Variants in GAD2 observed in about 807,000 individuals in gnomAD.
GAD2 encodes the protein glutamate decarboxylase 2, also known as 65 kDa glutamic acid decarboxylase.
A neutral mutation model predicts 80.1 loss-of-function variants in GAD2; 22 were observed. The ratio of observed to expected loss-of-function variants is 0.27; its 90% CI spans 0.20 to 0.39. GAD2 has a LOEUF of 0.39. GAD2 is among the 10% of genes least tolerant of loss of function. The pLI, the probability that GAD2 is intolerant of heterozygous loss-of-function variation, is 1.00. For synonymous variants in GAD2, 274 were observed against 256.9 expected (o/e 1.07, Z -0.64); for missense variants, 624 against 738.4 (o/e 0.85, Z 1.80).
chr10:26,287,479 CA>C (rs1330955072), intron 13 of GAD2, among the ~76,000 whole-genome samples: 1 of 152,094 alleles, frequency 6.6e-6, no homozygotes, highest in Non-Finnish European at 1.5e-5. Context: ...TAAAGGAAGG[CA>C]AAAGTTTTTA....
At chr10:26,278,411 C>T (rs116003448) in intron 11 of GAD2, among the ~76,000 whole-genome samples, 1,948 of 152,358 alleles carry the variant, frequency 0.013, 46 homozygotes, top group African/African-American at 0.043. Context: ...GTTCTAAGCA[C>T]TTCACCTAAA....
At chr10:26,239,138 C>A (rs766785210) in intron 7 of GAD2, among the ~76,000 whole-genome samples, 1 of 152,174 alleles carries the variant, frequency 6.6e-6, no homozygotes, top group Admixed American at 6.5e-5. Flanking sequence ...GGTGTTGGAA[C>A]AAAAGAATCA....
At chr10:26,216,503 G>A (rs1844371046), upstream of GAD2, 1 of 242,634 alleles carries the variant, frequency 4.1e-6, no homozygotes, top group Non-Finnish European at 7.7e-6. This position sits in a 1 kb window ranked among gnomAD's most constrained non-coding sequence, Gnocchi z 4.7. Context: ...AAATGCTCTG[G>A]GGCTCTCCGC....
intron 4 of GAD2, among the ~76,000 whole-genome samples, chr10:26,220,836 A>C (rs1844444560): frequency 6.6e-6 from 1 of 152,246 alleles, no homozygotes; most frequent in South Asian, 2.1e-4. Context: ...GATAATGGGA[A>C]CTGCAAGTCA....
chr10:26,288,479 G>A (rs895584419), intron 13 of GAD2, among the ~76,000 whole-genome samples: 3 of 152,134 alleles, frequency 2.0e-5, no homozygotes, highest in African/African-American at 7.2e-5. Context: ...ACCACCTAGT[G>A]GGAGACTCAT....
In GAD2 at chr10:26,277,101, A is replaced by G. The variant is rs898542113; in HGVS notation, c.1157+3401A>G. ...AATGTTTCCTTCTGTGATTACAGGG[A>G]GCTTTCACCAAGCAGGGCAACATTG... is the stretch of plus-strand genomic sequence containing the variant. On this transcript the variant is annotated intron_variant, in intron 11 of 15. Transcript: ENST00000376261. 6.6e-5 allele frequency among the ~76,000 whole-genome samples: 10 copies of G among 152,332 alleles called. 1 individual carries two copies. Among genetic ancestry groups the G allele is most frequent in the Admixed American group, 6.5e-4 (10 of 15,292 alleles).
intron 7 of GAD2, among the ~76,000 whole-genome samples, chr10:26,245,524 G>A (rs185083941): frequency 0.018 from 2,716 of 150,976 alleles, 92 homozygotes; most frequent in African/African-American, 0.062. Flanking sequence ...TGCAACCTCC[G>A]CCTCCCGAAT....
At chr10:26,263,531 G>A (rs977220953) in intron 8 of GAD2, among the ~76,000 whole-genome samples, 1 of 152,132 alleles carries the variant, frequency 6.6e-6, no homozygotes, top group Non-Finnish European at 1.5e-5. Flanking sequence ...AATTTTTACT[G>A]CTCCTGTGCA....
At chr10:26,239,272 C>G (rs910761103) in intron 7 of GAD2, among the ~76,000 whole-genome samples, 2 of 152,162 alleles carry the variant, frequency 1.3e-5, no homozygotes, top group Non-Finnish European at 2.9e-5. Context: ...TATTTGAGGT[C>G]TCTGTGTTGC....
intron 8 of GAD2, among the ~76,000 whole-genome samples, chr10:26,251,951 T>C (rs937724485): frequency 3.9e-5 from 6 of 152,214 alleles, no homozygotes; most frequent in Non-Finnish European, 8.8e-5. Context: ...GTAGCCACCA[T>C]TGGGGTCAGA....
At chr10:26,296,773 A>G (rs892654523) in intron 15 of GAD2, among the ~76,000 whole-genome samples, 2 of 152,030 alleles carry the variant, frequency 1.3e-5, no homozygotes, top group African/African-American at 4.8e-5. Flanking sequence ...TCCTACACTG[A>G]TTGGAGGACT....
intron 8 of GAD2, among the ~76,000 whole-genome samples, chr10:26,248,415 G>T (rs916972970): frequency 6.6e-6 from 1 of 152,210 alleles, no homozygotes; most frequent in African/African-American, 2.4e-5. Context: ...GGTGGTCAGA[G>T]TTCAGACCTC....
intron 11 of GAD2, among the ~76,000 whole-genome samples, chr10:26,274,103 A>C (rs773008882): frequency 1.5e-4 from 23 of 152,192 alleles, no homozygotes; most frequent in Non-Finnish European, 3.1e-4. Context: ...GCTTAAAAAA[A>C]ATAATAATTT....
chr10:26,300,647 T>C (rs1834319409), intron 15 of GAD2, 141 bp from the exon 16 acceptor site: 3 of 710,858 alleles, frequency 4.2e-6, no homozygotes, highest in Non-Finnish European at 7.2e-6. Context: ...CCAAGAAAAC[T>C]TGGAGGTAAC....
At chr10:26,267,431 AAAG>A (rs945914634) in intron 8 of GAD2, among the ~76,000 whole-genome samples, 17 of 152,262 alleles carry the variant, frequency 1.1e-4, no homozygotes, top group Non-Finnish European at 8.8e-5. Flanking sequence ...GCCCCCAGGC[AAAG>A]TTATGAAGTG....
intron 7 of GAD2, among the ~76,000 whole-genome samples, chr10:26,239,357 T>C (rs1844713466): frequency 6.6e-6 from 1 of 152,198 alleles, no homozygotes; most frequent in Non-Finnish European, 1.5e-5. Flanking sequence ...GACCCCACCT[T>C]AGGCCTTCTG....
Position 26,217,455 on chromosome 10 carries a change from C to T in GAD2, c.77-155C>T, listed in dbSNP as rs8190595. Among the ~76,000 whole-genome samples, 739 of 152,256 alleles carry T rather than the reference C, an allele frequency of 4.9e-3. 7 individuals carry two copies. Among genetic ancestry groups the T allele is most frequent in the South Asian group, 0.023 (112 of 4,820 alleles). ...GCCAGCCTCCCGCTTGCCTTCTGCA[C>T]CTGCCGGCCTCACCGAGTCCTGAGC... On this transcript the variant is annotated intron_variant, in intron 1 of 15. Coordinates refer to ENST00000376261, the MANE Select transcript of GAD2 (RefSeq NM_001134366.2). The surrounding 1 kb of genome is among the most constrained non-coding windows in gnomAD (Gnocchi z 4.9).
intron 15 of GAD2, among the ~76,000 whole-genome samples, chr10:26,297,415 C>T (rs1434784538): frequency 1.3e-5 from 2 of 152,062 alleles, no homozygotes; most frequent in African/African-American, 4.8e-5. Flanking sequence ...ATGTGGATTC[C>T]AATTATGGAA....
chr10:26,286,194 GC>G lies in GAD2; in HGVS notation c.1237-146del, dbSNP rs1452919468. On this transcript the variant is annotated intron_variant, in intron 12 of 15. Coordinates refer to ENST00000376261, the MANE Select transcript of GAD2 (RefSeq NM_001134366.2). The stretch of plus-strand genomic sequence containing the variant: ...AACCTAGACACTCCTGTCCAGAATT[GC>G]CCCCATTCTTTTTTTTAAAATTGAT... The G allele has an allele frequency of 1.5e-5, 10 of 684,670 alleles. No homozygotes were observed. The African/African-American group carries it at 1.8e-4, about 12-fold the overall frequency. 42.4% of individuals were successfully genotyped at this position (684,670 alleles called of 1,614,324 possible).
Sources: allele counts gnomAD v4.1 joint callset (sites outside exome capture counted in the v4.1 genomes callset), GRCh38; gene constraint gnomAD v4.1.1; non-coding constraint Gnocchi (gnomAD v3.1); transcripts MANE v1.5; gene names NCBI Gene and HGNC (gene_info 2026-07-23, HGNC 2026-07-21).